MKLN1: variants seen among roughly 807,000 people sequenced by gnomAD.
MKLN1 encodes muskelin.
Under a neutral mutation model 99.0 loss-of-function variants are expected in MKLN1, and 18 were observed. The observed-to-expected ratio is 0.18, with a 90% CI of 0.13 to 0.27. MKLN1 has a LOEUF of 0.27. Among genes scored for constraint, MKLN1 ranks in the 10% least tolerant of loss-of-function variants. MKLN1 has a pLI of 1.00. For synonymous variants in MKLN1, 288 were observed against 293.2 expected, an observed-to-expected ratio of 0.98 and a Z score of 0.18; for missense variants, 621 against 875.9, an observed-to-expected ratio of 0.71 and a Z score of 3.67.
At chr7:131,242,610 C>T (rs1321228028) in intron 3 of MKLN1, 16 of 497,074 alleles carry the variant, frequency 3.2e-5, no homozygotes, top group Non-Finnish European at 3.5e-5. Flanking sequence ...GTTCATGAAA[C>T]CTGGGACGGT....
intron 3 of MKLN1, among the ~76,000 whole-genome samples, chr7:131,215,782 T>C (rs896659852): frequency 5.9e-5 from 9 of 152,206 alleles, no homozygotes; most frequent in African/African-American, 2.2e-4. Flanking sequence ...AGGCCTGTAG[T>C]TGCTTGATCC....
rs576592492 is a variant in MKLN1 at position 131,391,017 on chromosome 7, C to T, written c.400+2045C>T. Among the ~76,000 whole-genome samples, 34 of 151,812 alleles carry T rather than the reference C, an allele frequency of 2.2e-4. No homozygotes were observed. In the South Asian group the frequency reaches 6.2e-3, roughly 28 times the overall value. On this transcript the variant is annotated intron_variant, in intron 4 of 17. Transcript: ENST00000352689. Reference sequence around the variant, plus strand: ...CTTTTCTCTTAAAATATGTTAATACCGGTCAGCAGTGTATTTGCTTCCCAA... The same window carrying T: ...CTTTTCTCTTAAAATATGTTAATACTGGTCAGCAGTGTATTTGCTTCCCAA...
intron 3 of MKLN1, among the ~76,000 whole-genome samples, chr7:131,266,173 C>CAAAA (rs35332093): frequency 3.0e-4 from 26 of 86,540 alleles, no homozygotes; most frequent in East Asian, 1.0e-3. Context: ...GACTGCATCT[C>CAAAA]AAAAAAAAAA....
intron 2 of MKLN1, among the ~76,000 whole-genome samples, chr7:131,154,114 A>G (rs1795930702): frequency 6.6e-6 from 1 of 152,234 alleles, no homozygotes; most frequent in South Asian, 2.1e-4. Context: ...ATATGCATGC[A>G]TACACACACA....
At chr7:131,240,124 T>A (rs1797379963) in intron 3 of MKLN1, among the ~76,000 whole-genome samples, 1 of 152,080 alleles carries the variant, frequency 6.6e-6, no homozygotes, top group Non-Finnish European at 1.5e-5. Context: ...GAGACTGCAG[T>A]GAGCCGTGAT....
intron 8 of MKLN1, among the ~76,000 whole-genome samples, chr7:131,419,431 A>G (rs1019809150): frequency 7.9e-5 from 12 of 151,358 alleles, no homozygotes; most frequent in Non-Finnish European, 1.5e-4. Flanking sequence ...TTAGTAGGAC[A>G]TTGTTGTGCC....
Position 131,371,287 on chromosome 7 carries a change from A to G in MKLN1, c.99-4137A>G, listed in dbSNP as rs538641460. Among the ~76,000 whole-genome samples the G allele has an allele frequency of 2.1e-4, 32 of 152,204 alleles. 1 individual carries two copies. The South Asian group carries it at 6.6e-3, about 32-fold the overall frequency. On this transcript the variant is annotated intron_variant, in intron 1 of 17. Transcript: ENST00000352689. ...AATACTGTCTTCACTTAGTATTTAC[A>G]CTTTCTAGGTTTTCATTTTCTTTAT...
At chr7:131,227,833 T>C (rs1163834613) in intron 3 of MKLN1, among the ~76,000 whole-genome samples, 1 of 152,170 alleles carries the variant, frequency 6.6e-6, no homozygotes, top group Non-Finnish European at 1.5e-5. Context: ...CCCAAAGTGC[T>C]GGGATTACAG....
chr7:131,372,810 AGACT>A (rs573340684), intron 1 of MKLN1, among the ~76,000 whole-genome samples: 4 of 150,868 alleles, frequency 2.7e-5, no homozygotes, highest in Admixed American at 6.6e-5. Flanking sequence ...TGGACTTTGT[AGACT>A]GACTGCCTTG....
At chr7:131,120,450 G>A (rs1228532227) in intron 1 of MKLN1, among the ~76,000 whole-genome samples, 4 of 149,320 alleles carry the variant, frequency 2.7e-5, no homozygotes, top group African/African-American at 4.9e-5. Flanking sequence ...TCGGGAGGCT[G>A]AGGCAAGAGA....
chr7:131,421,666 A>C (rs887645849), intron 8 of MKLN1, among the ~76,000 whole-genome samples: 2 of 150,642 alleles, frequency 1.3e-5, no homozygotes, highest in Non-Finnish European at 2.9e-5. Flanking sequence ...TGCAGCAGTG[A>C]TTAATTATGC....
chr7:131,239,140 G>A (rs1797364998), intron 3 of MKLN1, among the ~76,000 whole-genome samples: 2 of 151,930 alleles, frequency 1.3e-5, no homozygotes, highest in African/African-American at 4.8e-5. Flanking sequence ...GGGTGGCAGG[G>A]TACTCCATTT....
chr7:131,172,972 A>C (rs1584807586), intron 2 of MKLN1, among the ~76,000 whole-genome samples: 2 of 152,222 alleles, frequency 1.3e-5, no homozygotes, highest in Non-Finnish European at 2.9e-5. Flanking sequence ...GTTGATTAAA[A>C]ATTACTTGAT....
chr7:131,316,795 G>C (rs904711705), intron 3 of MKLN1, among the ~76,000 whole-genome samples: 1 of 152,096 alleles, frequency 6.6e-6, no homozygotes, highest in African/African-American at 2.4e-5. Context: ...CACAGCACAA[G>C]AACTTCCTGA....
At chr7:131,263,073 C>T (rs1410468860) in intron 3 of MKLN1, among the ~76,000 whole-genome samples, 47 of 151,996 alleles carry the variant, frequency 3.1e-4, no homozygotes, top group Admixed American at 3.0e-3. Context: ...AAGAGTGAAA[C>T]GTTTTGGTAA....
chr7:131,260,808 C>A (rs1275567276), intron 3 of MKLN1, among the ~76,000 whole-genome samples: 2 of 152,064 alleles, frequency 1.3e-5, no homozygotes, highest in Non-Finnish European at 1.5e-5. Context: ...ACACATAGAC[C>A]AATGGAACAG....
At chr7:131,264,510 GT>G (rs745968829) in intron 3 of MKLN1, among the ~76,000 whole-genome samples, 2 of 152,156 alleles carry the variant, frequency 1.3e-5, no homozygotes, top group Non-Finnish European at 2.9e-5. Context: ...ATTTTCAAAA[GT>G]AAGAATTTGG....
intron 2 of MKLN1, among the ~76,000 whole-genome samples, chr7:131,191,197 G>A (rs1458047924): frequency 6.6e-5 from 10 of 152,224 alleles, no homozygotes; most frequent in Non-Finnish European, 8.8e-5. Context: ...AAGTAGAACT[G>A]GATGTTTTCT....
chr7:131,309,305 T>C (rs1479966029), intron 3 of MKLN1, among the ~76,000 whole-genome samples: 3 of 152,208 alleles, frequency 2.0e-5, no homozygotes, highest in African/African-American at 7.2e-5. Flanking sequence ...AAAATTAATA[T>C]AAGTAGAGAG....
Sources: allele counts gnomAD v4.1 joint callset (sites outside exome capture counted in the v4.1 genomes callset), GRCh38; gene constraint gnomAD v4.1.1; transcripts MANE v1.5; gene names NCBI Gene and HGNC (gene_info 2026-07-23, HGNC 2026-07-21).